The following EPHB2 variants were observed in gnomAD, a reference collection of about 807,000 sequenced individuals.
EPHB2 encodes EPH receptor B2.
Under a neutral mutation model 96.4 loss-of-function variants are expected in EPHB2, and 18 were observed. The ratio of observed to expected loss-of-function variants is 0.19; its 90% CI spans 0.13 to 0.28. The LOEUF is 0.28. Among genes scored for constraint, EPHB2 ranks in the 10% least tolerant of loss-of-function variants. EPHB2 has a pLI of 1.00. For synonymous variants in EPHB2, 506 were observed against 534.1 expected, an observed-to-expected ratio of 0.95 and a Z score of 0.72; for missense variants, 989 against 1,355.4, an observed-to-expected ratio of 0.73 and a Z score of 4.25.
At chr1:22,741,735 G>T (rs539566135) in intron 1 of EPHB2, among the ~76,000 whole-genome samples, 2 of 149,872 alleles carry the variant, frequency 1.3e-5, no homozygotes, top group Non-Finnish European at 3.0e-5. Context: ...CTGGCTCAGT[G>T]CAATAACGAA....
intron 3 of EPHB2, among the ~76,000 whole-genome samples, chr1:22,857,098 G>A (rs577582565): frequency 7.4e-4 from 112 of 152,296 alleles, no homozygotes; most frequent in African/African-American, 2.6e-3. Flanking sequence ...ACAAAATCAC[G>A]TGCCATGTAA....
chr1:22,820,878 G>A (rs1645143540), intron 3 of EPHB2, among the ~76,000 whole-genome samples: 1 of 152,228 alleles, frequency 6.6e-6, no homozygotes, highest in African/African-American at 2.4e-5. Context: ...ATTGGTGCTA[G>A]TAGAACTAGG....
intron 3 of EPHB2, among the ~76,000 whole-genome samples, chr1:22,855,986 T>C (rs1323115201): frequency 6.6e-6 from 1 of 152,120 alleles, no homozygotes; most frequent in Non-Finnish European, 1.5e-5. Flanking sequence ...CCTTTTCAGA[T>C]GCCACCTCTA....
chr1:22,794,192 A>G (rs1014349156), intron 3 of EPHB2, among the ~76,000 whole-genome samples: 1 of 152,164 alleles, frequency 6.6e-6, no homozygotes, highest in African/African-American at 2.4e-5. Flanking sequence ...TAAGGGGCTC[A>G]TGTTTAGGAC....
chr1:22,832,180 G>T (rs558841425), intron 3 of EPHB2, among the ~76,000 whole-genome samples: 6 of 152,116 alleles, frequency 3.9e-5, no homozygotes, highest in Admixed American at 6.5e-5. Flanking sequence ...CAGGGTGCAC[G>T]TCATCAGAAC....
intron 1 of EPHB2, among the ~76,000 whole-genome samples, chr1:22,780,760 C>T (rs1644517819): frequency 6.6e-6 from 1 of 152,260 alleles, no homozygotes; most frequent in Admixed American, 6.5e-5. Flanking sequence ...CCCTCCTCGT[C>T]CAGAAAAGGA....
At chr1:22,813,876 A>C (rs1339689120) in intron 3 of EPHB2, among the ~76,000 whole-genome samples, 1 of 152,196 alleles carries the variant, frequency 6.6e-6, no homozygotes, top group Non-Finnish European at 1.5e-5. Context: ...TCTGAGGCTC[A>C]GAAATGATAG....
chr1:22,851,558 C>A (rs1471632615), intron 3 of EPHB2, among the ~76,000 whole-genome samples: 1 of 152,196 alleles, frequency 6.6e-6, no homozygotes, highest in Non-Finnish European at 1.5e-5. Flanking sequence ...GCTCTGCTGG[C>A]CACTCATTTA....
chr1:22,834,124 TTCTC>T (rs1015283368), intron 3 of EPHB2, among the ~76,000 whole-genome samples: 6 of 151,942 alleles, frequency 3.9e-5, no homozygotes, highest in African/African-American at 1.5e-4. Context: ...TAGCATAGCT[TTCTC>T]AAAAATCAAT....
chr1:22,853,482 C>T (rs1645654570), intron 3 of EPHB2, among the ~76,000 whole-genome samples: 1 of 152,242 alleles, frequency 6.6e-6, no homozygotes, highest in Non-Finnish European at 1.5e-5. Flanking sequence ...CATGCAGTGG[C>T]AGAGGTACAG....
At chr1:22,840,343 ATACTC>A (rs1645447924) in intron 3 of EPHB2, among the ~76,000 whole-genome samples, 1 of 152,224 alleles carries the variant, frequency 6.6e-6, no homozygotes, top group African/African-American at 2.4e-5. Flanking sequence ...TAAATTTTGC[ATACTC>A]TACCAGGATG....
chr1:22,872,403 T>C (rs1638702608), intron 5 of EPHB2, among the ~76,000 whole-genome samples: 1 of 152,124 alleles, frequency 6.6e-6, no homozygotes, highest in Non-Finnish European at 1.5e-5. Flanking sequence ...ATCTCAAGGG[T>C]CATAACCTTC....
At chr1:22,737,679 C>T (rs1643861870) in intron 1 of EPHB2, among the ~76,000 whole-genome samples, 1 of 152,164 alleles carries the variant, frequency 6.6e-6, no homozygotes, top group South Asian at 2.1e-4. Context: ...ATCACCCTCC[C>T]CCATTAAACT....
intron 3 of EPHB2, among the ~76,000 whole-genome samples, chr1:22,787,395 G>A (rs569688341): frequency 6.6e-6 from 1 of 152,312 alleles, no homozygotes; most frequent in East Asian, 1.9e-4. Flanking sequence ...GATGTAGGAA[G>A]AACTGTGACA....
chr1:22,761,319 G>A (rs140204702), intron 1 of EPHB2, among the ~76,000 whole-genome samples: 69 of 152,326 alleles, frequency 4.5e-4, no homozygotes, highest in African/African-American at 1.3e-3. Flanking sequence ...CAGTGGTCGC[G>A]GAGAGCGGGA....
chr1:22,901,774 T>C (rs979828714), intron 9 of EPHB2, among the ~76,000 whole-genome samples: 32 of 152,062 alleles, frequency 2.1e-4, no homozygotes, highest in African/African-American at 7.7e-4. Flanking sequence ...ACTTCTGCCA[T>C]TTATTAGCTG....
At chr1:22,730,076 G>C (rs1033431847) in intron 1 of EPHB2, among the ~76,000 whole-genome samples, 1 of 152,232 alleles carries the variant, frequency 6.6e-6, no homozygotes, top group South Asian at 2.1e-4. Context: ...GCCCCAGGGT[G>C]GGGGTGTGGG....
chr1:22,838,516 T>C lies in EPHB2; in HGVS notation c.812-24521T>C, dbSNP rs72655517. Among the ~76,000 whole-genome samples the C allele has an allele frequency of 7.7e-3, 1,168 of 152,320 alleles. 6 individuals are homozygous for C. Among genetic ancestry groups the C allele is most frequent in the Non-Finnish European group, 0.013 (891 of 68,026 alleles). ...GCCCTGTTCTCCCTACAGAGTCTTA[T>C]GGTGACCAAGTAAGATTATTCATCC... is the stretch of plus-strand genomic sequence containing the variant. On this transcript the variant is annotated intron_variant, in intron 3 of 15. Transcript: ENST00000374630.
At chr1:22,879,323 C>A (rs1189608637) in intron 5 of EPHB2, among the ~76,000 whole-genome samples, 1 of 152,200 alleles carries the variant, frequency 6.6e-6, no homozygotes, top group Non-Finnish European at 1.5e-5. Context: ...GATGAGCCCC[C>A]AGATTGGCCC....
Sources: gnomAD v4.1 joint callset for allele counts (sites outside exome capture counted in the v4.1 genomes callset) on GRCh38, gnomAD v4.1.1 for gene constraint, MANE v1.5 for transcripts, NCBI Gene and HGNC (gene_info 2026-07-23, HGNC 2026-07-21) for gene names.